Variants in SPARC observed in about 807,000 individuals in gnomAD.
The protein encoded by SPARC is secreted protein acidic and cysteine rich, also known as basement-membrane protein 40.
In SPARC, 23 loss-of-function variants were observed where a neutral mutation model predicts 37.7. The ratio of observed to expected loss-of-function variants is 0.61; its 90% CI spans 0.44 to 0.87. SPARC has a LOEUF of 0.87. Among genes scored for constraint, SPARC ranks in the 40% least tolerant of loss-of-function variants. The pLI, the probability that SPARC is intolerant of heterozygous loss-of-function variation, is 0.00. For missense variants in SPARC, 312 were observed against 389.0 expected (o/e 0.80, Z 1.66); for synonymous variants, 155 against 150.8 (o/e 1.03, Z -0.20).
chr5:151,668,931 C>T (rs565004496), intron 6 of SPARC, among the ~76,000 whole-genome samples: 1 of 152,110 alleles, frequency 6.6e-6, no homozygotes, highest in African/African-American at 2.4e-5. Flanking sequence ...TCATTGCCAT[C>T]GGGTGCCAGA....
chr5:151,670,428 T>C (rs1477863313), intron 5 of SPARC, among the ~76,000 whole-genome samples: 1 of 152,204 alleles, frequency 6.6e-6, no homozygotes, highest in Non-Finnish European at 1.5e-5. Flanking sequence ...GAAACATCAC[T>C]CACATGTGGC....
chr5:151,665,939 T>C (rs1026238997), intron 8 of SPARC, among the ~76,000 whole-genome samples: 9 of 152,164 alleles, frequency 5.9e-5, no homozygotes, highest in Non-Finnish European at 1.0e-4. Flanking sequence ...TTGGGCCCTA[T>C]TGGGGCTGAG....
rs1156560306 is a variant in SPARC, at chr5:151,661,940, CT to C, written c.*1630del. 6.6e-6 allele frequency: 1 copy of C among 152,254 alleles called. No homozygotes were observed. The highest frequency in any genetic ancestry group is 1.5e-5 in the Non-Finnish European group (1 of 68,056). 9.4% of individuals were successfully genotyped at this position (152,254 alleles called of 1,614,324 possible). On this transcript the variant is annotated 3_prime_UTR_variant, in exon 10 of 10. Transcript: ENST00000231061. ...ACACATACTCATGGTCTCTCCTACT[CT>C]CCCTTCATCACACCTGTGACATCTT...
chr5:151,678,462 G>A (rs534462773), intron 1 of SPARC, among the ~76,000 whole-genome samples: 1 of 152,266 alleles, frequency 6.6e-6, no homozygotes, highest in Non-Finnish European at 1.5e-5. Context: ...AAGTCTTATA[G>A]TGCTGCTTCA....
chr5:151,685,744 T>C (rs532862977), intron 1 of SPARC: 1 of 152,204 alleles, frequency 6.6e-6, no homozygotes, highest in Non-Finnish European at 1.5e-5. Flanking sequence ...CTCTAAAGCA[T>C]TACTAGAGAA....
At chr5:151,681,556 G>A (rs1294112135) in intron 1 of SPARC, among the ~76,000 whole-genome samples, 4 of 152,250 alleles carry the variant, frequency 2.6e-5, no homozygotes, top group Non-Finnish European at 4.4e-5. Context: ...ACTGAACCAT[G>A]TGAATGAGTA....
chr5:151,676,043 C>T, intron 2 of SPARC, 89 bp downstream of exon 2: 2 of 1,058,548 alleles, frequency 1.9e-6, no homozygotes, highest in Non-Finnish European at 2.8e-6. Context: ...AGTCCCTGTT[C>T]CCTTTCAGCA....
At chr5:151,667,683 C>T in intron 6 of SPARC, 83 bp from the exon 7 acceptor site, 1 of 1,500,564 alleles carries the variant, frequency 6.7e-7, no homozygotes, top group Non-Finnish European at 9.0e-7. Context: ...ACCCACATAC[C>T]ACCTGCATTG....
intron 5 of SPARC, among the ~76,000 whole-genome samples, chr5:151,671,194 G>C (rs529444510): frequency 2.0e-5 from 3 of 152,182 alleles, no homozygotes; most frequent in Non-Finnish European, 4.4e-5. Context: ...GACCTGAAAA[G>C]GTTCGGCAAC....
intron 2 of SPARC, among the ~76,000 whole-genome samples, 169 bp from the exon 3 acceptor site, chr5:151,674,843 A>C (rs1033344648): frequency 4.6e-5 from 7 of 152,182 alleles, no homozygotes; most frequent in African/African-American, 1.4e-4. Context: ...AACAAAGAAG[A>C]AGCCAGTCAT....
chr5:151,682,651 G>A (rs754698772), intron 1 of SPARC, among the ~76,000 whole-genome samples: 1 of 152,198 alleles, frequency 6.6e-6, no homozygotes, highest in Non-Finnish European at 1.5e-5. Context: ...AAACCTCTGT[G>A]TGCTGCCTCT....
At chr5:151,667,679 A>G in intron 6 of SPARC, 79 bp from the exon 7 acceptor site, 2 of 1,465,212 alleles carry the variant, frequency 1.4e-6, no homozygotes, top group Non-Finnish European at 1.8e-6. Flanking sequence ...ACCCACCCAC[A>G]TACCACCTGC....
intron 4 of SPARC, chr5:151,672,925 T>C: frequency 1.7e-6 from 1 of 573,766 alleles, no homozygotes; most frequent in Non-Finnish European, 3.1e-6. Flanking sequence ...ATGGATGGCC[T>C]GGAAACCGAT....
intron 1 of SPARC, among the ~76,000 whole-genome samples, chr5:151,681,238 G>A (rs1392851616): frequency 6.6e-6 from 1 of 152,194 alleles, no homozygotes; most frequent in Non-Finnish European, 1.5e-5. Context: ...CATGGGGACC[G>A]AGCCAGGCAG....
In SPARC at chr5:151,667,416, G is replaced by A. The variant is rs759165102; in HGVS notation, c.585+51C>T. ...AGCTGGGGGCCCAGTTCTAGGAATG[G>A]GACTGGATCTTCACCAGCACGGGGC... is the stretch of plus-strand genomic sequence containing the variant. On this transcript the variant is annotated intron_variant, in intron 7 of 9. Coordinates refer to ENST00000231061, the MANE Select transcript of SPARC (RefSeq NM_003118.4). 1.2e-5 allele frequency: 20 copies of A among 1,611,174 alleles called. 1 individual carries two copies. In the South Asian group the frequency reaches 2.1e-4, roughly 17 times the overall value.
In SPARC at chr5:151,675,597, T is replaced by C. The variant is rs1352849434; in HGVS notation, c.57+535A>G. ...AATATCTCAGAGACTGTCCATTAGT[T>C]CTTAACTCCCAAAGCCTAGAGCTGC... On this transcript the variant is annotated intron_variant, in intron 2 of 9. Coordinates refer to ENST00000231061, the MANE Select transcript of SPARC (RefSeq NM_003118.4). Among the ~76,000 whole-genome samples, 5 of 152,226 alleles carry C rather than the reference T, an allele frequency of 3.3e-5. No homozygotes were observed. The East Asian group carries it at 9.6e-4, about 29-fold the overall frequency.
chr5:151,675,074 G>A (rs1448123416), intron 2 of SPARC, among the ~76,000 whole-genome samples: 1 of 152,194 alleles, frequency 6.6e-6, no homozygotes, highest in Non-Finnish European at 1.5e-5. Flanking sequence ...CTTCCTCACA[G>A]TGTGATATTA....
At chr5:151,667,961 G>A (rs997094418) in intron 6 of SPARC, among the ~76,000 whole-genome samples, 3 of 152,158 alleles carry the variant, frequency 2.0e-5, no homozygotes, top group Non-Finnish European at 4.4e-5. Flanking sequence ...GGGAGGCTGA[G>A]GGATCACATC....
chr5:151,677,147 A>C (rs1392172266), intron 1 of SPARC: 2 of 152,216 alleles, frequency 1.3e-5, no homozygotes, highest in Non-Finnish European at 2.9e-5. Context: ...GAGGATTCAA[A>C]ACTAAAATGC....
Sources: allele counts gnomAD v4.1 joint callset (sites outside exome capture counted in the v4.1 genomes callset), GRCh38; gene constraint gnomAD v4.1.1; transcripts MANE v1.5; gene names NCBI Gene and HGNC (gene_info 2026-07-23, HGNC 2026-07-21).